PCDHA10: variants seen among roughly 807,000 people sequenced by gnomAD.
PCDHA10 encodes the protein protocadherin alpha-10.
Under a neutral mutation model 61.2 loss-of-function variants are expected in PCDHA10, and 45 were observed. The observed-to-expected ratio is 0.74, with a 90% confidence interval of 0.58 to 0.94. The LOEUF is 0.94. Among genes scored for constraint, PCDHA10 ranks in the 40% least tolerant of loss-of-function variants. The pLI is 0.00. For missense variants in PCDHA10, 1,278 were observed against 1,236.2 expected (o/e 1.03, Z -0.51); for synonymous variants, 602 against 548.8 (o/e 1.10, Z -1.35).
At chr5:140,877,048 G>T (rs376952553) in intron 1 of PCDHA10, 1 of 1,612,676 alleles carries the variant, frequency 6.2e-7, no homozygotes, top group Non-Finnish European at 8.5e-7. Flanking sequence ...GCTAGACCAC[G>T]AGGAGCTGGA....
intron 1 of PCDHA10, chr5:140,968,952 T>C: frequency 1.2e-6 from 2 of 1,614,192 alleles, no homozygotes; most frequent in Non-Finnish European, 1.7e-6. Context: ...TTGAGCATCA[T>C]CAAGTGCTAC....
At chr5:140,941,412 G>A (rs246068) in intron 1 of PCDHA10, among the ~76,000 whole-genome samples, 46,949 of 148,492 alleles carry the variant, frequency 0.32, 7,794 homozygotes, top group East Asian at 0.53. Context: ...CGCCTCCCGG[G>A]TTCAAGCAAT....
rs782444555 is a variant in PCDHA10, at chr5:140,883,708, G to C, written c.2388+25272G>C. 1.2e-6 allele frequency: 2 copies of C among 1,613,664 alleles called. No homozygotes were observed. The highest frequency in any genetic ancestry group is 1.7e-6 in the Non-Finnish European group (2 of 1,179,838). On this transcript the variant is annotated intron_variant, in intron 1 of 3. Coordinates refer to ENST00000307360, the MANE Select transcript of PCDHA10 (RefSeq NM_018901.4). ...GCCACATCTTCACGGTGTCTGCTCA[G>C]GACGCGGACGCACAGGAGAACGCGC...
At chr5:141,005,192 TTTCA>T (rs1554259924) in intron 3 of PCDHA10, among the ~76,000 whole-genome samples, 1 of 152,220 alleles carries the variant, frequency 6.6e-6, no homozygotes, top group African/African-American at 2.4e-5. Context: ...ACATCAGTCC[TTTCA>T]TTCATTCATC....
At chr5:140,887,668 A>G (rs1047587717) in intron 1 of PCDHA10, among the ~76,000 whole-genome samples, 1 of 151,958 alleles carries the variant, frequency 6.6e-6, no homozygotes, top group Non-Finnish European at 1.5e-5. Context: ...CTGTGGATTT[A>G]TCATTTTCAT....
chr5:140,862,039 C>A (rs1554155581), intron 1 of PCDHA10: 1 of 155,382 alleles, frequency 6.4e-6, no homozygotes, highest in African/African-American at 2.4e-5. Context: ...GGGTTCAAAC[C>A]GTCACATTGT....
chr5:140,967,006 C>G, intron 1 of PCDHA10: 1 of 1,605,750 alleles, frequency 6.2e-7, no homozygotes, highest in Non-Finnish European at 8.5e-7. Flanking sequence ...TGCGCATCAA[C>G]CATCTGGGTG....
chr5:140,909,171 T>C (rs2074353484), intron 1 of PCDHA10, among the ~76,000 whole-genome samples: 1 of 152,208 alleles, frequency 6.6e-6, no homozygotes, highest in Non-Finnish European at 1.5e-5. Flanking sequence ...ATCAATCAAG[T>C]TCTCTCCAAA....
chr5:140,988,184 GGT>G (rs2153871318), intron 3 of PCDHA10, among the ~76,000 whole-genome samples: 1 of 152,246 alleles, frequency 6.6e-6, no homozygotes, highest in East Asian at 1.9e-4. Flanking sequence ...AGTCCTGGGA[GGT>G]GTGTGCATAT....
rs2097783097 is a variant in PCDHA10, at chr5:140,997,727, C to T, written c.2537-11900C>T. Reference sequence around the variant, plus strand: ...TAACAAACACCTTTCTACGTCAGTACATATAGATTTGCCACAATCTTCTTG... The same window carrying T: ...TAACAAACACCTTTCTACGTCAGTATATATAGATTTGCCACAATCTTCTTG... On this transcript the variant is annotated intron_variant, in intron 3 of 3. Coordinates refer to ENST00000307360, the MANE Select transcript of PCDHA10 (RefSeq NM_018901.4). Among the ~76,000 whole-genome samples the T allele has an allele frequency of 2.0e-5, 3 of 151,244 alleles. No individual in the cohort carries two copies. In the South Asian group the frequency reaches 6.3e-4, roughly 32 times the overall value.
At chr5:140,897,339 C>G (rs1373496877) in intron 1 of PCDHA10, among the ~76,000 whole-genome samples, 14 of 121,352 alleles carry the variant, frequency 1.2e-4, no homozygotes, top group African/African-American at 4.4e-4. Context: ...CCCCCTCCCC[C>G]CACCCCACAA....
intron 1 of PCDHA10, among the ~76,000 whole-genome samples, chr5:140,905,832 G>A (rs1292036271): frequency 1.3e-5 from 2 of 152,150 alleles, no homozygotes; most frequent in Non-Finnish European, 2.9e-5. Context: ...TGTATATAAA[G>A]GGGAGTTTAT....
At chr5:140,934,502 A>G (rs1311901724) in intron 1 of PCDHA10, among the ~76,000 whole-genome samples, 2 of 152,144 alleles carry the variant, frequency 1.3e-5, no homozygotes, top group Non-Finnish European at 2.9e-5. Flanking sequence ...TAAACACCCA[A>G]AGGGTCCATA....
rs147430561 is a variant in PCDHA10, at chr5:140,928,238, A to G, written c.2389-50711A>G. 4.7e-4 allele frequency: 756 copies of G among 1,614,188 alleles called. 4 individuals carry two copies. The African/African-American group carries it at 9.0e-3, about 19-fold the overall frequency. Reference sequence around the variant, plus strand: ...AATACACCAAACTTTCCTCAACCCCAGCAGGAACTTTTCGTTGCTGAAAAC... The same window carrying G: ...AATACACCAAACTTTCCTCAACCCCGGCAGGAACTTTTCGTTGCTGAAAAC... On this transcript the variant is annotated intron_variant, in intron 1 of 3. Coordinates refer to ENST00000307360, the MANE Select transcript of PCDHA10 (RefSeq NM_018901.4).
Position 140,968,974 on chromosome 5 carries a change from G to A in PCDHA10, c.2389-9975G>A, listed in dbSNP as rs17119326. 3.9e-3 allele frequency: 6,227 copies of A among 1,614,174 alleles called. 151 individuals carry two copies. The African/African-American group carries it at 0.06, about 16-fold the overall frequency. On this transcript the variant is annotated intron_variant, in intron 1 of 3. Coordinates refer to ENST00000307360, the MANE Select transcript of PCDHA10 (RefSeq NM_018901.4). Reference sequence around the variant, plus strand: ...TCATCAAGTGCTACCGCTACACTGCGTATGGCACTGCATGCTGTGGAGGCT... The same window carrying A: ...TCATCAAGTGCTACCGCTACACTGCATATGGCACTGCATGCTGTGGAGGCT...
At chr5:140,925,969 A>C (rs2082842050) in intron 1 of PCDHA10, among the ~76,000 whole-genome samples, 1 of 152,172 alleles carries the variant, frequency 6.6e-6, no homozygotes, top group African/African-American at 2.4e-5. Context: ...TCACGCAAAA[A>C]AAAAGCCTTG....
rs199809889 is a variant in PCDHA10, at chr5:140,883,348, A to C, written c.2388+24912A>C. On this transcript the variant is annotated intron_variant, in intron 1 of 3. Transcript: ENST00000307360. ...TCACTTCTTTGTCACTCCCCATCAGAGAAGACACTCAGCCTAGCGCCATTA... is the reference window on the plus strand; with the variant it reads ...TCACTTCTTTGTCACTCCCCATCAGCGAAGACACTCAGCCTAGCGCCATTA... The C allele has an allele frequency of 1.9e-6, 3 of 1,614,172 alleles. No homozygotes were observed. In the African/African-American group the frequency reaches 4.0e-5, roughly 22 times the overall value.
intron 1 of PCDHA10, among the ~76,000 whole-genome samples, chr5:140,956,676 G>A (rs1281224695): frequency 5.3e-5 from 8 of 152,126 alleles, no homozygotes; most frequent in Admixed American, 2.0e-4. Flanking sequence ...GAGTTAGGGA[G>A]GAGTACCTCC....
chr5:140,969,149 G>C (rs782510891), intron 1 of PCDHA10: 3 of 1,614,120 alleles, frequency 1.9e-6, no homozygotes, highest in South Asian at 1.1e-5. Context: ...CTGCTACAAG[G>C]CCTGTCTGAC....
Sources: allele counts gnomAD v4.1 joint callset (sites outside exome capture counted in the v4.1 genomes callset), GRCh38; gene constraint gnomAD v4.1.1; transcripts MANE v1.5; gene names NCBI Gene and HGNC (gene_info 2026-07-23, HGNC 2026-07-21).